Variants in LAMA1 observed in about 807,000 individuals in gnomAD.
LAMA1 encodes the protein laminin subunit alpha-1.
LAMA1 carries 219 observed loss-of-function variants against 348.7 expected under a neutral mutation model. The ratio of observed to expected loss-of-function variants is 0.63; its 90% CI spans 0.56 to 0.70. The LOEUF (loss-of-function observed/expected upper bound fraction) is 0.70. Ranked by LOEUF, LAMA1 falls within the 30% of genes least tolerant of loss-of-function variation. The pLI is 0.00. For missense variants in LAMA1, 3,744 were observed against 3,888.0 expected, an observed-to-expected ratio of 0.96 and a Z score of 0.99; for synonymous variants, 1,487 against 1,491.0, an observed-to-expected ratio of 1.00 and a Z score of 0.06.
At chr18:6,950,459 T>C (rs2057541408) in intron 58 of LAMA1, among the ~76,000 whole-genome samples, 1 of 152,190 alleles carries the variant, frequency 6.6e-6, no homozygotes, top group Non-Finnish European at 1.5e-5. Context: ...AGAGTTCCGG[T>C]TATCAGAAAG....
rs368195085 is a variant in LAMA1 at position 6,985,990 on chromosome 18, C to T, written c.5379+147G>A. The T allele has an allele frequency of 3.3e-3, 2,728 of 824,046 alleles. 11 individuals carry two copies. The highest frequency in any genetic ancestry group is 0.02 in the Middle Eastern group (59 of 2,902). The allele number at this position is 824,046 out of a possible 1,614,324, so 51.0% of individuals were successfully genotyped here. A position where few individuals can be genotyped will look rare whatever the true frequency, so the allele number is the denominator to read the frequency against. ...GGCCAGGATGGTCTCGATCTCTTGA[C>T]CTCATGATCTGCCTGCCTCGGCCTC... On this transcript the variant is annotated intron_variant, in intron 37 of 62. Coordinates refer to ENST00000389658, the MANE Select transcript of LAMA1 (RefSeq NM_005559.4).
At position 7,012,104 on chromosome 18, in the gene LAMA1, C is replaced by T. The variant is rs370246345; in HGVS notation, c.3398G>A (p.Arg1133Gln). 3.6e-5 allele frequency: 58 copies of T among 1,613,806 alleles called. 2 individuals are homozygous for T. Among genetic ancestry groups the T allele is most frequent in the South Asian group, 1.4e-4 (13 of 91,004 alleles). The change falls in exon 24 of 63, where the codon CGA becomes CAA. Residue 1133 changes from arginine (R) to glutamine (Q), a missense_variant. Around this residue, in one of 3 missense-constraint regions of LAMA1, gnomAD observed 1,529 missense variants for 1,689.4 expected, o/e 0.91. Coordinates refer to ENST00000389658, the MANE Select transcript of LAMA1 (RefSeq NM_005559.4). ...TGCGCGGAGAGCGAAGGTGCCCTCT[C>T]GACATTCGTTGCACTGAGGACCAAA... ...NVFGPQCNEC[R>Q]EGTFALRADN...
chr18:7,083,086 T>G (rs2058199647), intron 1 of LAMA1, among the ~76,000 whole-genome samples: 1 of 152,124 alleles, frequency 6.6e-6, no homozygotes, highest in Admixed American at 6.6e-5. Flanking sequence ...GAACATAAAT[T>G]TAACTGTTTT....
chr18:6,946,505 G>T (rs1368475396), intron 61 of LAMA1, among the ~76,000 whole-genome samples: 1 of 152,118 alleles, frequency 6.6e-6, no homozygotes, highest in African/African-American at 2.4e-5. Flanking sequence ...GGATCACGAG[G>T]TCAGGAGTTC....
At position 7,114,072 on chromosome 18, in the gene LAMA1, G is replaced by A. The variant is rs368326154; in HGVS notation, c.61+3588C>T. On this transcript the variant is annotated intron_variant, in intron 1 of 62. Coordinates refer to ENST00000389658, the MANE Select transcript of LAMA1 (RefSeq NM_005559.4). ...AGCCTGGGCGACAGAGCGAGACTCC[G>A]TCTCAAAAAAAAAAAAAAAAGAAAA... is the stretch of plus-strand genomic sequence containing the variant. Among the ~76,000 whole-genome samples, 329 of 112,840 alleles carry A rather than the reference G, an allele frequency of 2.9e-3. 1 individual carries two copies. Among genetic ancestry groups the A allele is most frequent in the African/African-American group, 0.011 (310 of 28,670 alleles). The allele number at this position is 112,840 out of a possible 152,430, so 74.0% of individuals were successfully genotyped here. A position where few individuals can be genotyped will look rare whatever the true frequency, so the allele number is the denominator to read the frequency against.
chr18:6,949,131 G>A lies in LAMA1; in HGVS notation c.8526C>T (p.Pro2842=). The stretch of plus-strand genomic sequence containing the variant: ...CAATTTTCCTGGCCTGGTACTGGGA[G>A]GGCAGGCCTCCTAGGTAGAACAAAC... ...VEGLFYLGGL[P]SQYQARKIGN... Residue 2842 remains proline (P), a synonymous_variant, in exon 59 of 63, where the codon CCC becomes CCT. Coordinates refer to ENST00000389658, the MANE Select transcript of LAMA1 (RefSeq NM_005559.4). The A allele has an allele frequency of 1.2e-6, 2 of 1,614,136 alleles. No individual in the cohort carries two copies. The highest frequency in any genetic ancestry group is 8.5e-7 in the Non-Finnish European group (1 of 1,180,020).
chr18:6,963,151 A>G (rs2057616147), intron 51 of LAMA1, among the ~76,000 whole-genome samples: 2 of 152,026 alleles, frequency 1.3e-5, no homozygotes, highest in Non-Finnish European at 2.9e-5. Flanking sequence ...CTAGATCTCA[A>G]TTTCTTTCCA....
rs1568029412 is a variant in LAMA1 at position 7,010,254 on chromosome 18, A to G, written c.3819T>C (p.Asp1273=). 6.2e-7 allele frequency: 1 copy of G among 1,614,188 alleles called. No homozygotes were observed. Among genetic ancestry groups the G allele is most frequent in the Non-Finnish European group, 8.5e-7 (1 of 1,180,048 alleles). ...GRIRKQVIYM[D]APAPENGVRQ... The stretch of plus-strand genomic sequence containing the variant: ...TCACTCCATTCTCTGGGGCTGGTGC[A>G]TCCATGTAAATGACTTGCTTTCTGA... The change falls in exon 26 of 63, where the codon GAT becomes GAC. Residue 1273 remains aspartate (D), a synonymous_variant. Transcript: ENST00000389658.
At chr18:7,055,249 G>A (rs568509706) in intron 3 of LAMA1, among the ~76,000 whole-genome samples, 26 of 151,858 alleles carry the variant, frequency 1.7e-4, no homozygotes, top group Middle Eastern at 3.4e-3. Context: ...TCAGGAGTTC[G>A]AGACCAGCCT....
At chr18:7,026,423 A>AG (rs2057943622) in intron 16 of LAMA1, among the ~76,000 whole-genome samples, 2 of 152,148 alleles carry the variant, frequency 1.3e-5, no homozygotes, top group Non-Finnish European at 2.9e-5. Context: ...CTCTAAGGGG[A>AG]ATTCTGATGA....
At chr18:7,044,988 A>G in intron 6 of LAMA1, 149 bp from the exon 7 acceptor site, 1 of 720,562 alleles carries the variant, frequency 1.4e-6, no homozygotes, top group East Asian at 2.6e-5. Context: ...CTGGCATTTA[A>G]TTTTTAGATG....
At chr18:7,081,748 A>T (rs1424282873) in intron 1 of LAMA1, among the ~76,000 whole-genome samples, 1 of 152,212 alleles carries the variant, frequency 6.6e-6, no homozygotes, top group Non-Finnish European at 1.5e-5. Flanking sequence ...GACATTCTCC[A>T]GGCATGGACA....
chr18:7,105,670 G>A (rs1238931316), intron 1 of LAMA1, among the ~76,000 whole-genome samples: 2 of 152,024 alleles, frequency 1.3e-5, no homozygotes, highest in Non-Finnish European at 2.9e-5. Context: ...GAAGGGATGC[G>A]GCACAGAATA....
Position 6,995,454 on chromosome 18 carries a change from G to C in LAMA1, c.4807-8C>G. 7.1e-7 allele frequency: 1 copy of C among 1,415,304 alleles called. No homozygotes were observed. The highest frequency in any genetic ancestry group is 1.0e-6 in the Non-Finnish European group (1 of 999,036). 87.7% of individuals were successfully genotyped at this position (1,415,304 alleles called of 1,614,324 possible). A position where few individuals can be genotyped will look rare whatever the true frequency, so the allele number is the denominator to read the frequency against. On this transcript the variant is annotated splice_polypyrimidine_tract_variant and splice_region_variant and intron_variant, in intron 33 of 62. Transcript: ENST00000389658. ...TTCTTTTAATAAAGATTCCTAGGAA[G>C]AATGGAGGAAACAAATTACAATGCT... is the stretch of plus-strand genomic sequence containing the variant.
At position 6,976,069 on chromosome 18, in the gene LAMA1, G is replaced by C. The variant is rs148287322; in HGVS notation, c.6357C>G (p.Ala2119=). ...GGATGCAATCTCTGTCTGCAGACAC[G>C]GCGACTTTAATCTGTAGAAGGAAAA... ...ARKQAASIKV[A]VSADRDCIRA... The change falls in exon 45 of 63, where the codon GCC becomes GCG. Residue 2119 remains alanine (A), a synonymous_variant. Transcript: ENST00000389658. 14 of 1,613,932 alleles carry C rather than the reference G, an allele frequency of 8.7e-6. No individual in the cohort carries two copies. In the South Asian group the frequency reaches 1.4e-4, roughly 16 times the overall value.
Position 6,986,364 on chromosome 18 carries a change from G to T in LAMA1, c.5169-17C>A. ...TCAGCAGCCCTGATAAATATGAATG[G>T]TTCACATAGTAAGTAAATGAACAAC... On this transcript the variant is annotated splice_polypyrimidine_tract_variant and intron_variant, in intron 36 of 62. Coordinates refer to ENST00000389658, the MANE Select transcript of LAMA1 (RefSeq NM_005559.4). 1 of 1,608,782 alleles carries T rather than the reference G, an allele frequency of 6.2e-7. No homozygotes were observed. The highest frequency in any genetic ancestry group is 2.2e-5 in the East Asian group (1 of 44,854).
chr18:7,037,843 T>C, intron 11 of LAMA1, 92 bp from the exon 12 acceptor site: 1 of 1,328,028 alleles, frequency 7.5e-7, no homozygotes. Context: ...AATGAAGAAA[T>C]GGGCCAGAAA....
chr18:6,966,354 G>C lies in LAMA1; in HGVS notation c.6900-57C>G. 24 of 1,485,058 alleles carry C rather than the reference G, an allele frequency of 1.6e-5. No homozygotes were observed. In the South Asian group the frequency reaches 2.8e-4, roughly 17 times the overall value. The allele number at this position is 1,485,058 out of a possible 1,614,324, so 92.0% of individuals were successfully genotyped here. On this transcript the variant is annotated intron_variant, in intron 48 of 62. Coordinates refer to ENST00000389658, the MANE Select transcript of LAMA1 (RefSeq NM_005559.4). ...TTCTCAGGAGGGTAGAAAGAACCAA[G>C]AACACACTTACTGAGTTCTCCTTCA...
At chr18:6,973,263 T>C in intron 46 of LAMA1, 56 bp from the exon 47 acceptor site, 1 of 1,534,134 alleles carries the variant, frequency 6.5e-7, no homozygotes, top group South Asian at 1.1e-5. Context: ...TCAGCGCACA[T>C]ACAATCCCGT....
Sources: gnomAD v4.1 joint callset for allele counts (sites outside exome capture counted in the v4.1 genomes callset) on GRCh38, gnomAD v4.1.1 for gene constraint, gnomAD v4.1.1 regional missense constraint, MANE v1.5 for transcripts, NCBI Gene and HGNC (gene_info 2026-07-23, HGNC 2026-07-21) for gene names.